The following ACVR1C variants were observed in gnomAD, a reference collection of about 807,000 sequenced individuals.
The protein encoded by ACVR1C is activin receptor type-1C.
A neutral mutation model predicts 57.9 loss-of-function variants in ACVR1C; 23 were observed. The observed-to-expected ratio is 0.40, with a 90% CI of 0.29 to 0.56. The LOEUF is 0.56. Among genes scored for constraint, ACVR1C ranks in the 20% least tolerant of loss-of-function variants. ACVR1C has a pLI of 0.50. For missense variants in ACVR1C, 480 were observed against 607.9 expected, an observed-to-expected ratio of 0.79 and a Z score of 2.21; for synonymous variants, 214 against 215.3, an observed-to-expected ratio of 0.99 and a Z score of 0.05.
In ACVR1C at chr2:157,529,178, T is replaced by G. The variant is rs1687302739; in HGVS notation, c.*4740A>C. On this transcript the variant is annotated 3_prime_UTR_variant, in exon 9 of 9. Coordinates refer to ENST00000243349, the MANE Select transcript of ACVR1C (RefSeq NM_145259.3). ...TCCAAGGTACAAAGAGAAAGAACAG[T>G]CCTTACAGAAAGGGTGGGGGATGTC... 6.6e-6 allele frequency: 1 copy of G among 152,064 alleles called. No homozygotes were observed. Among genetic ancestry groups the G allele is most frequent in the Non-Finnish European group, 1.5e-5 (1 of 67,964 alleles). The allele number at this position is 152,064 out of a possible 1,614,324, so 9.4% of individuals were successfully genotyped here. A position where few individuals can be genotyped will look rare whatever the true frequency, so the allele number is the denominator to read the frequency against.
At chr2:157,592,237 C>T (rs530170453) in intron 1 of ACVR1C, among the ~76,000 whole-genome samples, 10 of 152,168 alleles carry the variant, frequency 6.6e-5, no homozygotes, top group African/African-American at 2.4e-4. Context: ...AAGTAAGGCT[C>T]TGAGTACATA....
At chr2:157,557,218 A>G (rs919509248) in intron 2 of ACVR1C, among the ~76,000 whole-genome samples, 4 of 151,978 alleles carry the variant, frequency 2.6e-5, no homozygotes, top group African/African-American at 9.7e-5. Flanking sequence ...GAAAAGGATT[A>G]AGGAAAGGAC....
intron 3 of ACVR1C, among the ~76,000 whole-genome samples, chr2:157,554,264 A>AAAGG (rs1161887558): frequency 7.8e-6 from 1 of 127,410 alleles, no homozygotes; most frequent in African/African-American, 4.2e-5. Flanking sequence ...AGAAAGAAAG[A>AAAGG]AAGAAAGGAA....
At chr2:157,616,530 A>G (rs1000962628) in intron 1 of ACVR1C, among the ~76,000 whole-genome samples, 9 of 152,176 alleles carry the variant, frequency 5.9e-5, no homozygotes, top group South Asian at 4.1e-4. Flanking sequence ...TAAAATATGC[A>G]TCATATCTAA....
At chr2:157,597,008 G>A (rs1041628717) in intron 1 of ACVR1C, among the ~76,000 whole-genome samples, 1 of 152,102 alleles carries the variant, frequency 6.6e-6, no homozygotes, top group Non-Finnish European at 1.5e-5. Context: ...TGCGGGTAAG[G>A]GACGGGGCAG....
chr2:157,528,343 C>A lies in ACVR1C; in HGVS notation c.*5575G>T, dbSNP rs1687279666. 6.6e-6 allele frequency: 1 copy of A among 152,122 alleles called. No homozygotes were observed. The highest frequency in any genetic ancestry group is 1.5e-5 in the Non-Finnish European group (1 of 68,012). 9.4% of individuals were successfully genotyped at this position (152,122 alleles called of 1,614,324 possible). ...TCAGATTAACATAACCCACAGTAAA[C>A]TCTTGCAGTTAAAACTGTTAGGTCT... is the stretch of plus-strand genomic sequence containing the variant. On this transcript the variant is annotated 3_prime_UTR_variant, in exon 9 of 9. Transcript: ENST00000243349.
intron 2 of ACVR1C, among the ~76,000 whole-genome samples, chr2:157,585,572 C>T (rs908999148): frequency 6.6e-6 from 1 of 152,074 alleles, no homozygotes; most frequent in African/African-American, 2.4e-5. Flanking sequence ...TCTTGAGGAT[C>T]ATTCACTATT....
At chr2:157,584,125 T>A (rs1432920086) in intron 2 of ACVR1C, among the ~76,000 whole-genome samples, 1 of 151,910 alleles carries the variant, frequency 6.6e-6, no homozygotes, top group East Asian at 1.9e-4. Context: ...GATAAAGGAC[T>A]TGTATTCAGA....
In ACVR1C at chr2:157,609,732, G is replaced by A. The variant is rs114164206; in HGVS notation, c.73+18840C>T. Among the ~76,000 whole-genome samples, 1,150 of 151,910 alleles carry A rather than the reference G, an allele frequency of 7.6e-3. 19 individuals carry two copies. Among genetic ancestry groups the A allele is most frequent in the African/African-American group, 0.025 (1,044 of 41,464 alleles). On this transcript the variant is annotated intron_variant, in intron 1 of 8. Coordinates refer to ENST00000243349, the MANE Select transcript of ACVR1C (RefSeq NM_145259.3). ...AACATTCTTTGTCTTCTTTTTTACT[G>A]TTCTTGACTTCAAGTCTCTATTATC...
intron 1 of ACVR1C, among the ~76,000 whole-genome samples, chr2:157,611,522 G>T (rs1473415599): frequency 6.6e-6 from 1 of 152,126 alleles, no homozygotes; most frequent in Admixed American, 6.5e-5. Context: ...TGGCTGCTTG[G>T]GATGCTGGCA....
chr2:157,553,994 C>T lies in ACVR1C; in HGVS notation c.544+2099G>A, dbSNP rs137883616. Reference sequence around the variant, plus strand: ...GTTCAGGAGTTTGAGACCAGCCTGGCCAACATGGTGAAACCCCATCTCTGC... The same window carrying T: ...GTTCAGGAGTTTGAGACCAGCCTGGTCAACATGGTGAAACCCCATCTCTGC... On this transcript the variant is annotated intron_variant, in intron 3 of 8. Coordinates refer to ENST00000243349, the MANE Select transcript of ACVR1C (RefSeq NM_145259.3). Among the ~76,000 whole-genome samples the T allele has an allele frequency of 3.6e-3, 546 of 151,434 alleles. 6 individuals carry two copies. The highest frequency in any genetic ancestry group is 0.012 in the African/African-American group (513 of 41,206).
chr2:157,612,770 C>A (rs890016365), intron 1 of ACVR1C, among the ~76,000 whole-genome samples: 1 of 152,154 alleles, frequency 6.6e-6, no homozygotes, highest in Non-Finnish European at 1.5e-5. Context: ...GAGCACACAA[C>A]GCTTTTGGGT....
At chr2:157,540,122 G>A (rs1434907770) in intron 7 of ACVR1C, among the ~76,000 whole-genome samples, 1 of 152,194 alleles carries the variant, frequency 6.6e-6, no homozygotes, top group East Asian at 1.9e-4. Context: ...AAGCCCATGG[G>A]ATCAGTTTTT....
chr2:157,584,837 G>A (rs1276776416), intron 2 of ACVR1C, among the ~76,000 whole-genome samples: 2 of 152,162 alleles, frequency 1.3e-5, no homozygotes, highest in Non-Finnish European at 2.9e-5. Flanking sequence ...CTGAATGCAC[G>A]TCAATGGATG....
At chr2:157,590,212 A>G (rs572643191) in intron 1 of ACVR1C, among the ~76,000 whole-genome samples, 3 of 152,044 alleles carry the variant, frequency 2.0e-5, no homozygotes, top group Non-Finnish European at 4.4e-5. Context: ...TTAAATCACA[A>G]CTGCCCTCCC....
intron 2 of ACVR1C, among the ~76,000 whole-genome samples, chr2:157,578,568 ATGT>A (rs1688716340): frequency 6.6e-6 from 1 of 151,970 alleles, no homozygotes; most frequent in Non-Finnish European, 1.5e-5. Context: ...CAGAACTTTG[ATGT>A]TACTTTCTTT....
intron 4 of ACVR1C, among the ~76,000 whole-genome samples, chr2:157,545,322 T>C (rs1687725529): frequency 6.6e-6 from 1 of 152,164 alleles, no homozygotes; most frequent in African/African-American, 2.4e-5. Context: ...GTTCTGACAC[T>C]CAGGGAAAGG....
chr2:157,628,426 G>T, intron 1 of ACVR1C, 146 bp downstream of exon 1: 5 of 930,912 alleles, frequency 5.4e-6, no homozygotes, highest in South Asian at 1.5e-5. Flanking sequence ...CCTATCCCGC[G>T]CCCCCTCAAT....
intron 2 of ACVR1C, among the ~76,000 whole-genome samples, chr2:157,577,977 A>G (rs1030441005): frequency 2.6e-5 from 4 of 152,138 alleles, no homozygotes; most frequent in Non-Finnish European, 5.9e-5. Context: ...AGCACGGCTC[A>G]CTGCATCCTT....
Sources: allele counts gnomAD v4.1 joint callset (sites outside exome capture counted in the v4.1 genomes callset), GRCh38; gene constraint gnomAD v4.1.1; transcripts MANE v1.5; gene names NCBI Gene and HGNC (gene_info 2026-07-23, HGNC 2026-07-21).